PNP: variants seen among roughly 807,000 people sequenced by gnomAD.
PNP encodes the protein purine nucleoside phosphorylase, also known as HEL-S-156an.
PNP carries 18 observed loss-of-function variants against 26.8 expected under a neutral mutation model. The ratio of observed to expected loss-of-function variants is 0.67; its 90% CI spans 0.46 to 1.00. The LOEUF is 1.00. PNP is among the 50% of genes least tolerant of loss of function. The probability of loss-of-function intolerance (pLI) is 0.00; values close to 1 mark genes in which losing one functional copy is unlikely to be tolerated. For missense variants in PNP, 320 were observed against 362.9 expected (o/e 0.88, Z 0.96); for synonymous variants, 116 against 124.8 (o/e 0.93, Z 0.47).
At chr14:20,476,274 C>A in intron 5 of PNP, 110 bp from the exon 6 acceptor site, 1 of 931,506 alleles carries the variant, frequency 1.1e-6, no homozygotes, top group East Asian at 2.4e-5. Context: ...ACCCGGCCAT[C>A]TTTGGATGTT....
In PNP at chr14:20,469,436, T is replaced by C; in HGVS notation, c.-89T>C. ...TGCGAACCAGACCCGGCAGCCTTGC[T>C]CAGTTCAGCATAGCGGAGCGGATCC... On this transcript the variant is annotated 5_prime_UTR_variant, in exon 1 of 6. Transcript: ENST00000361505. 2 of 1,519,722 alleles carry C rather than the reference T, an allele frequency of 1.3e-6. No homozygotes were observed. Among genetic ancestry groups the C allele is most frequent in the Non-Finnish European group, 1.8e-6 (2 of 1,119,620 alleles). The allele number at this position is 1,519,722 out of a possible 1,614,324, so 94.1% of individuals were successfully genotyped here.
At chr14:20,470,239 A>G (rs1339494448) in intron 1 of PNP, among the ~76,000 whole-genome samples, 1 of 152,260 alleles carries the variant, frequency 6.6e-6, no homozygotes, top group Admixed American at 6.5e-5. Flanking sequence ...CCAGGGAGCC[A>G]GGGTGTTCTT....
chr14:20,469,461 C>T lies in PNP; in HGVS notation c.-64C>T, dbSNP rs1881936095. ...TCAGTTCAGCATAGCGGAGCGGATCCGATCGGATCGGAGCGGATCGGAGCA... is the reference window on the plus strand; with the variant it reads ...TCAGTTCAGCATAGCGGAGCGGATCTGATCGGATCGGAGCGGATCGGAGCA... On this transcript the variant is annotated 5_prime_UTR_variant, in exon 1 of 6. Coordinates refer to ENST00000361505, the MANE Select transcript of PNP (RefSeq NM_000270.4). 1.3e-6 allele frequency: 2 copies of T among 1,547,684 alleles called. No individual in the cohort carries two copies. The highest frequency in any genetic ancestry group is 2.4e-5 in the South Asian group (2 of 83,930).
Position 20,475,054 on chromosome 14 carries a change from T to A in PNP, c.462-8T>A. The A allele has an allele frequency of 6.2e-7, 1 of 1,614,162 alleles. No individual in the cohort carries two copies. The highest frequency in any genetic ancestry group is 1.3e-5 in the African/African-American group (1 of 75,058). ...CGTTTATGTGAGATAATTCAACCTG[T>A]GTCCTAGGTTTGGAGATCGTTTCCC... On this transcript the variant is annotated splice_region_variant and splice_polypyrimidine_tract_variant and intron_variant, in intron 4 of 5. Transcript: ENST00000361505.
At position 20,469,477 on chromosome 14, in the gene PNP, G is replaced by C; in HGVS notation, c.-48G>C. ...GAGCGGATCCGATCGGATCGGAGCGGATCGGAGCACACCGGAGCAGGCTCA... is the reference window on the plus strand; with the variant it reads ...GAGCGGATCCGATCGGATCGGAGCGCATCGGAGCACACCGGAGCAGGCTCA... On this transcript the variant is annotated 5_prime_UTR_variant, in exon 1 of 6. Coordinates refer to ENST00000361505, the MANE Select transcript of PNP (RefSeq NM_000270.4). The C allele has an allele frequency of 1.9e-6, 3 of 1,549,992 alleles. No homozygotes were observed. The highest frequency in any genetic ancestry group is 2.6e-6 in the Non-Finnish European group (3 of 1,146,954).
rs754239313 is a variant in PNP at position 20,475,118 on chromosome 14, G to T, written c.518G>T (p.Arg173Met). The T allele has an allele frequency of 6.2e-7, 1 of 1,614,090 alleles. No individual in the cohort carries two copies. Among genetic ancestry groups the T allele is most frequent in the Non-Finnish European group, 8.5e-7 (1 of 1,180,052 alleles). Residue 173 changes from arginine to methionine, a missense_variant, in exon 5 of 6, where the codon AGG becomes ATG. Coordinates refer to ENST00000361505, the MANE Select transcript of PNP (RefSeq NM_000270.4). ...SDAYDRTMRQ[R>M]ALSTWKQMGE... ...GCCTACGACCGGACTATGAGGCAGA[G>T]GGCTCTCAGTACCTGGAAACAAATG...
chr14:20,475,711 C>T (rs768011164), intron 5 of PNP, among the ~76,000 whole-genome samples: 1 of 152,244 alleles, frequency 6.6e-6, no homozygotes, highest in African/African-American at 2.4e-5. Context: ...TCCTTGAACT[C>T]GCGACCTCAG....
rs2139335280 is a variant in PNP at position 20,472,422 on chromosome 14, A to T, written c.126A>T (p.Leu42Phe). 6.2e-7 allele frequency: 1 copy of T among 1,614,128 alleles called. No homozygotes were observed. The highest frequency in any genetic ancestry group is 2.2e-5 in the East Asian group (1 of 44,888). Residue 42 changes from leucine to phenylalanine, a missense_variant, in exon 2 of 6, where the codon TTA becomes TTT. Coordinates refer to ENST00000361505, the MANE Select transcript of PNP (RefSeq NM_000270.4). Reference protein sequence around the residue: ...GSGLGGLTDKLTQAQIFDYGE... With the variant: ...GSGLGGLTDKFTQAQIFDYGE... ...GATTAGGAGGTCTGACTGATAAATT[A>T]ACTCAGGCCCAGATCTTTGACTACG...
rs554897657 is a variant in PNP, at chr14:20,469,591, G to A, written c.11+56G>A. The A allele has an allele frequency of 2.6e-6, 4 of 1,551,392 alleles. No individual in the cohort carries two copies. The African/African-American group carries it at 4.1e-5, about 16-fold the overall frequency. The stretch of plus-strand genomic sequence containing the variant: ...TGGGGAGGGGCAGGTGCTGTGACCC[G>A]GGAACCTGGCACACTGGGCCCAGAG... On this transcript the variant is annotated intron_variant, in intron 1 of 5. Transcript: ENST00000361505.
At chr14:20,469,752 G>A (rs1040567425) in intron 1 of PNP, 46 of 650,832 alleles carry the variant, frequency 7.1e-5, no homozygotes, top group Non-Finnish European at 1.1e-4. Flanking sequence ...CTGGGGTGGC[G>A]CCACCGGAGC....
At position 20,472,927 on chromosome 14, in the gene PNP, G is replaced by A. The variant is rs1171008804; in HGVS notation, c.181+450G>A. On this transcript the variant is annotated intron_variant, in intron 2 of 5. Transcript: ENST00000361505. ...AACTCTTTAACACAAGACTGGAAGA[G>A]CAGAGGGAGAAGGTGAGGGAAATAT... 1.4e-5 allele frequency: 3 copies of A among 216,934 alleles called. No individual in the cohort carries two copies. The East Asian group carries it at 3.6e-4, about 26-fold the overall frequency. 13.4% of individuals were successfully genotyped at this position (216,934 alleles called of 1,614,324 possible). A position where few individuals can be genotyped will look rare whatever the true frequency, so the allele number is the denominator to read the frequency against.
At chr14:20,475,290 G>C in intron 5 of PNP, 38 bp downstream of exon 5, 1 of 1,585,338 alleles carries the variant, frequency 6.3e-7, no homozygotes. Context: ...TGAAGAGGGA[G>C]GGGTTTAGCA....
chr14:20,476,784 C>T lies in PNP; in HGVS notation c.*183C>T. 3 of 662,692 alleles carry T rather than the reference C, an allele frequency of 4.5e-6. No homozygotes were observed. Among genetic ancestry groups the T allele is most frequent in the Non-Finnish European group, 8.2e-6 (3 of 365,374 alleles). The allele number at this position is 662,692 out of a possible 1,614,324, so 41.1% of individuals were successfully genotyped here. A position where few individuals can be genotyped will look rare whatever the true frequency, so the allele number is the denominator to read the frequency against. ...CTGGTGCCAGATCCTCTTCTCAAAGCTGGGATTACAGGTGTGAGCATAGTG... is the reference window on the plus strand; with the variant it reads ...CTGGTGCCAGATCCTCTTCTCAAAGTTGGGATTACAGGTGTGAGCATAGTG... On this transcript the variant is annotated 3_prime_UTR_variant, in exon 6 of 6. Transcript: ENST00000361505.
rs763720758 is a variant in PNP at position 20,472,481 on chromosome 14, C to T, written c.181+4C>T. The T allele has an allele frequency of 1.2e-6, 2 of 1,613,286 alleles. No individual in the cohort carries two copies. The highest frequency in any genetic ancestry group is 3.3e-5 in the Admixed American group (2 of 60,016). On this transcript the variant is annotated splice_donor_region_variant and intron_variant, in intron 2 of 5. Transcript: ENST00000361505. ...CCCAACTTTCCCCGAAGTACAGGTA[C>T]TGGCAAGGGAAAGTGGGGAATGGGA... is the stretch of plus-strand genomic sequence containing the variant.
rs533006047 is a variant in PNP, at chr14:20,469,443, A to G, written c.-82A>G. On this transcript the variant is annotated 5_prime_UTR_variant, in exon 1 of 6. Transcript: ENST00000361505. ...CAGACCCGGCAGCCTTGCTCAGTTC[A>G]GCATAGCGGAGCGGATCCGATCGGA... 57 of 1,530,370 alleles carry G rather than the reference A, an allele frequency of 3.7e-5. No homozygotes were observed. The South Asian group carries it at 5.9e-4, about 16-fold the overall frequency. The allele number at this position is 1,530,370 out of a possible 1,614,324, so 94.8% of individuals were successfully genotyped here.
chr14:20,474,508 T>G lies in PNP; in HGVS notation c.218T>G (p.Leu73Arg). The G allele has an allele frequency of 6.2e-7, 1 of 1,614,220 alleles. No individual in the cohort carries two copies. The highest frequency in any genetic ancestry group is 2.2e-5 in the East Asian group (1 of 44,886). Residue 73 changes from leucine to arginine, a missense_variant, in exon 3 of 6, where the codon CTG becomes CGG. By Grantham distance (102) the Leu-to-Arg change is moderately radical. Coordinates refer to ENST00000361505, the MANE Select transcript of PNP (RefSeq NM_000270.4). Reference sequence around the variant, plus strand: ...GCTGGCCGACTGGTGTTTGGGTTCCTGAATGGCAGGGCCTGTGTGATGATG... The same window carrying G: ...GCTGGCCGACTGGTGTTTGGGTTCCGGAATGGCAGGGCCTGTGTGATGATG... ...GHAGRLVFGF[L>R]NGRACVMMQG... is the part of the protein sequence containing the mutation.
At chr14:20,471,197 ATTTTTTTT>A (rs397960222) in intron 1 of PNP, among the ~76,000 whole-genome samples, 24 of 90,650 alleles carry the variant, frequency 2.6e-4, no homozygotes, top group African/African-American at 5.7e-4. Flanking sequence ...CGCCCGGCTA[ATTTTTTTT>A]TTTTTTTTTT....
chr14:20,475,219 C>T lies in PNP; in HGVS notation c.619C>T (p.Arg207Cys), dbSNP rs1304437118. 5 of 1,613,544 alleles carry T rather than the reference C, an allele frequency of 3.1e-6. No homozygotes were observed. The highest frequency in any genetic ancestry group is 2.7e-5 in the African/African-American group (2 of 74,994). ...CAGCTTTGAGACTGTGGCAGAATGT[C>T]GTGTGCTGCAGAAGCTGGGAGCAGA... ...GPSFETVAEC[R>C]VLQKLGADAV... The change falls in exon 5 of 6, where the codon CGT becomes TGT. Residue 207 changes from arginine to cysteine, a missense_variant. By Grantham distance (180) the Arg-to-Cys change is radical. Transcript: ENST00000361505.
Position 20,474,674 on chromosome 14 carries a change from G to C in PNP, c.285+99G>C, listed in dbSNP as rs773963002. 3.2e-6 allele frequency: 5 copies of C among 1,553,416 alleles called. No individual in the cohort carries two copies. The Admixed American group carries it at 8.6e-5, about 27-fold the overall frequency. ...GCTATCTGGGCTAGGTGGATTTTTGGTCCTCTCCTTCCTTTTCTTTCACGA... is the reference window on the plus strand; with the variant it reads ...GCTATCTGGGCTAGGTGGATTTTTGCTCCTCTCCTTCCTTTTCTTTCACGA... On this transcript the variant is annotated intron_variant, in intron 3 of 5. Transcript: ENST00000361505.
Sources: gnomAD v4.1 joint callset for allele counts (sites outside exome capture counted in the v4.1 genomes callset) on GRCh38, gnomAD v4.1.1 for gene constraint, MANE v1.5 for transcripts, NCBI Gene and HGNC (gene_info 2026-07-23, HGNC 2026-07-21) for gene names.